The following TEX11 variants were observed in gnomAD, a reference collection of about 807,000 sequenced individuals.
TEX11 encodes the protein testis-expressed protein 11.
TEX11 carries 7 observed loss-of-function variants against 84.4 expected under a neutral mutation model. The ratio of observed to expected loss-of-function variants is 0.08; its 90% CI spans 0.05 to 0.16. The LOEUF (loss-of-function observed/expected upper bound fraction) is 0.16. Ranked by LOEUF, TEX11 falls within the 10% of genes least tolerant of loss-of-function variation. The pLI is 1.00. For synonymous variants in TEX11, 264 were observed against 222.8 expected (o/e 1.18, Z -1.64); for missense variants, 551 against 660.5 (o/e 0.83, Z 1.82).
intron 7 of TEX11, among the ~76,000 whole-genome samples, chrX:70,840,656 A>C (rs1011211081): frequency 1.8e-5 from 2 of 111,362 alleles, no homozygotes; most frequent in African/African-American, 6.5e-5. Context: ...AAATGGGCTA[A>C]ATGCTCCAAT....
At chrX:70,868,152 T>C (rs1360996320) in intron 4 of TEX11, among the ~76,000 whole-genome samples, 1 of 111,404 alleles carries the variant, frequency 9.0e-6, no homozygotes, top group Non-Finnish European at 1.9e-5. Flanking sequence ...ATATCCAGAA[T>C]CTACAAGGAA....
intron 3 of TEX11, among the ~76,000 whole-genome samples, chrX:70,873,742 TC>T (rs1049552343): frequency 1.8e-5 from 2 of 112,042 alleles, no homozygotes; most frequent in Non-Finnish European, 3.8e-5. Context: ...TTGTTTTATT[TC>T]TTTTCTTTAA....
chrX:70,654,709 CAAAAAAAAAA>C (rs56822297), intron 16 of TEX11, among the ~76,000 whole-genome samples: 1 of 37,627 alleles, frequency 2.7e-5, no homozygotes, highest in Non-Finnish European at 4.4e-5. Flanking sequence ...GACTCTGTCT[CAAAAAAAAAA>C]AAAAAAAAAA....
chrX:70,696,412 G>A (rs1290684490), intron 13 of TEX11, among the ~76,000 whole-genome samples: 2 of 111,351 alleles, frequency 1.8e-5, no homozygotes, highest in Non-Finnish European at 3.8e-5. Context: ...TTTACAAAAG[G>A]AACTAAGGCC....
chrX:70,641,128 A>G (rs2147585575), intron 17 of TEX11, among the ~76,000 whole-genome samples: 1 of 111,396 alleles, frequency 9.0e-6, no homozygotes, highest in South Asian at 3.9e-4. Context: ...CTATTCTCTG[A>G]TCAAACAGAC....
chrX:70,860,789 CTT>C, intron 5 of TEX11, 66 bp downstream of exon 5: 1 of 794,172 alleles, frequency 1.3e-6, no homozygotes, highest in Non-Finnish European at 1.9e-6. Flanking sequence ...TTCACACTAA[CTT>C]TACCATTTTC....
intron 25 of TEX11, among the ~76,000 whole-genome samples, chrX:70,558,219 G>T (rs1681325828): frequency 1.9e-5 from 2 of 107,348 alleles, no homozygotes; most frequent in Admixed American, 2.0e-4. Flanking sequence ...CTGACATAAG[G>T]ATATATATAT....
intron 4 of TEX11, among the ~76,000 whole-genome samples, chrX:70,864,817 G>A (rs1412815308): frequency 1.8e-5 from 2 of 108,715 alleles, no homozygotes; most frequent in South Asian, 8.0e-4. Flanking sequence ...AGCTTCACGA[G>A]CAAAAGAGAT....
chrX:70,722,331 G>A (rs2090565899), intron 13 of TEX11, among the ~76,000 whole-genome samples: 1 of 112,144 alleles, frequency 8.9e-6, no homozygotes, highest in Non-Finnish European at 1.9e-5. Flanking sequence ...GAATGCAGTG[G>A]CACTATCATA....
At chrX:70,799,438 T>A (rs1355031334) in intron 9 of TEX11, among the ~76,000 whole-genome samples, 1 of 111,950 alleles carries the variant, frequency 8.9e-6, no homozygotes, top group Non-Finnish European at 1.9e-5. Flanking sequence ...CTGGTGAAGC[T>A]TTTCAGGCAT....
intron 25 of TEX11, 46 bp downstream of exon 25, chrX:70,591,705 A>T (rs775656154): frequency 9.7e-7 from 1 of 1,029,450 alleles, no homozygotes; most frequent in Non-Finnish European, 1.4e-6. Flanking sequence ...ATTCGATTCT[A>T]AGCTCCTTTC....
intron 5 of TEX11, among the ~76,000 whole-genome samples, chrX:70,856,118 T>A (rs1013923084): frequency 9.0e-6 from 1 of 111,696 alleles, no homozygotes; most frequent in Non-Finnish European, 1.9e-5. Context: ...CATTGCAGCA[T>A]CCAAATGTCC....
At chrX:70,812,206 T>C (rs1322160610) in intron 8 of TEX11, among the ~76,000 whole-genome samples, 2 of 56,977 alleles carry the variant, frequency 3.5e-5, no homozygotes, top group East Asian at 1.7e-3. Flanking sequence ...CCATCTTGAA[T>C]TAATTTTTTT....
chrX:70,709,028 T>C (rs2090403159), intron 13 of TEX11, among the ~76,000 whole-genome samples: 1 of 111,442 alleles, frequency 9.0e-6, no homozygotes, highest in Non-Finnish European at 1.9e-5. Context: ...AACTTATCTA[T>C]ACTGAAGATT....
intron 7 of TEX11, among the ~76,000 whole-genome samples, chrX:70,838,196 A>G (rs2091416698): frequency 2.7e-5 from 3 of 111,886 alleles, no homozygotes; most frequent in Non-Finnish European, 5.6e-5. Context: ...AGGTGGGTGG[A>G]TCACCTGAGG....
chrX:70,511,580 A>G, the TEX11 span, among the ~76,000 whole-genome samples: 1 of 103,406 alleles, frequency 9.7e-6, no homozygotes, highest in Admixed American at 1.0e-4. Context: ...TAGTGAAACC[A>G]CATCTCTACT....
intron 24 of TEX11, among the ~76,000 whole-genome samples, chrX:70,601,534 C>CTTTTTTTTTTT (rs1182961993): frequency 6.3e-5 from 4 of 63,400 alleles, no homozygotes; most frequent in African/African-American, 1.2e-4. Flanking sequence ...CAGCATCATT[C>CTTTTTTTTTTT]TTTTTTTTTT....
chrX:70,849,502 T>A (rs746694780), intron 7 of TEX11, among the ~76,000 whole-genome samples: 42 of 111,957 alleles, frequency 3.8e-4, no homozygotes, highest in Non-Finnish European at 4.3e-4. Context: ...TTGAATAACT[T>A]AATAAATAAT....
intron 9 of TEX11, among the ~76,000 whole-genome samples, chrX:70,769,532 C>A (rs890469930): frequency 8.9e-6 from 1 of 111,789 alleles, no homozygotes; most frequent in Non-Finnish European, 1.9e-5. Context: ...CAGTCATTTT[C>A]AAACATTTTC....
Sources: allele counts gnomAD v4.1 joint callset (sites outside exome capture counted in the v4.1 genomes callset), GRCh38; gene constraint gnomAD v4.1.1; transcripts MANE v1.5; gene names NCBI Gene and HGNC (gene_info 2026-07-23, HGNC 2026-07-21).